Variants in FAT3 observed in about 807,000 individuals in gnomAD.
FAT3 encodes the protein FAT atypical cadherin 3.
A neutral mutation model predicts 310.2 loss-of-function variants in FAT3; 95 were observed. That is an observed-to-expected ratio of 0.31 (90% CI 0.26 to 0.36). The LOEUF (loss-of-function observed/expected upper bound fraction) is 0.36. Ranked by LOEUF, FAT3 falls within the 10% of genes least tolerant of loss-of-function variation. The pLI is 1.00. For synonymous variants in FAT3, 2,314 were observed against 2,192.9 expected, an observed-to-expected ratio of 1.06 and a Z score of -1.54; for missense variants, 5,408 against 5,715.6, an observed-to-expected ratio of 0.95 and a Z score of 1.74.
chr11:92,296,155 C>T (rs935471858), intron 1 of FAT3, among the ~76,000 whole-genome samples: 1 of 152,064 alleles, frequency 6.6e-6, no homozygotes, highest in African/African-American at 2.4e-5. Flanking sequence ...TATGCTTCCC[C>T]CGAGGGTTAA....
chr11:92,798,910 C>G lies in FAT3; in HGVS notation c.5897C>G (p.Ser1966Cys). The G allele has an allele frequency of 6.2e-7, 1 of 1,613,976 alleles. No individual in the cohort carries two copies. The highest frequency in any genetic ancestry group is 8.5e-7 in the Non-Finnish European group (1 of 1,179,868). ...TCTGATGGAAAGTTCTACAGTACCT[C>G]CATGGTCACCATCATGGTTAAAGAA... ...KVSDGKFYSTSMVTIMVKEAM... is the reference protein window; with the variant it reads ...KVSDGKFYSTCMVTIMVKEAM... Residue 1966 changes from serine (S) to cysteine (C), a missense_variant, in exon 10 of 28, where the codon TCC becomes TGC. By Grantham distance (112) the Ser-to-Cys change is moderately radical. Transcript: ENST00000525166.
chr11:92,418,865 C>A (rs1950476587), intron 2 of FAT3, among the ~76,000 whole-genome samples: 1 of 152,146 alleles, frequency 6.6e-6, no homozygotes, highest in Non-Finnish European at 1.5e-5. Context: ...GAGCCCTGTC[C>A]TTACAATGCT....
chr11:92,856,974 A>G (rs899224264), intron 19 of FAT3, among the ~76,000 whole-genome samples: 1 of 152,176 alleles, frequency 6.6e-6, no homozygotes, highest in African/African-American at 2.4e-5. Context: ...TTTGTACCTA[A>G]TCTGCACCAG....
intron 14 of FAT3, among the ~76,000 whole-genome samples, chr11:92,833,107 G>A (rs921003573): frequency 6.6e-5 from 10 of 152,298 alleles, no homozygotes; most frequent in Admixed American, 2.0e-4. Flanking sequence ...AATAAAGGTC[G>A]TAATTCTAGA....
At chr11:92,617,195 T>A (rs1387289492) in intron 3 of FAT3, among the ~76,000 whole-genome samples, 1 of 152,230 alleles carries the variant, frequency 6.6e-6, no homozygotes, top group Non-Finnish European at 1.5e-5. Flanking sequence ...CTTTTTTCTC[T>A]AAACTTCTCT....
intron 3 of FAT3, among the ~76,000 whole-genome samples, chr11:92,667,933 T>G (rs1943008615): frequency 6.6e-6 from 1 of 152,208 alleles, no homozygotes; most frequent in South Asian, 2.1e-4. Context: ...AGCAGCATAA[T>G]GATGTGTGTG....
chr11:92,647,497 T>G (rs1942209245), intron 3 of FAT3, among the ~76,000 whole-genome samples: 1 of 152,166 alleles, frequency 6.6e-6, no homozygotes. Context: ...TATTTTAAAC[T>G]GATACAGCAT....
At chr11:92,818,507 GC>G (rs34959284) in intron 13 of FAT3, among the ~76,000 whole-genome samples, 47,139 of 151,890 alleles carry the variant, frequency 0.31, 7,538 homozygotes, top group Non-Finnish European at 0.33. Context: ...CTTCCTCGCA[GC>G]CTCATCCCTC....
In FAT3 at chr11:92,834,873, G is replaced by T. The variant is rs750201929; in HGVS notation, c.9875G>T (p.Gly3292Val). The T allele has an allele frequency of 1.3e-5, 21 of 1,605,310 alleles. No individual in the cohort carries two copies. The East Asian group carries it at 2.7e-4, about 21-fold the overall frequency. The change falls in exon 15 of 28, where the codon GGT becomes GTT. Residue 3292 changes from glycine (G) to valine (V), a missense_variant. This residue lies in a region of FAT3 where 4,588 missense variants were observed against 4,809.8 expected (regional missense o/e 0.95). Coordinates refer to ENST00000525166, the MANE Select transcript of FAT3 (RefSeq NM_001367949.2). ...GKFKINPKTG[G>V]ISVSEVLDYE... ...AGCTCCCCATTTTTCTTCAAAGGGG[G>T]TATTTCTGTCTCTGAAGTCCTGGAC...
intron 3 of FAT3, among the ~76,000 whole-genome samples, chr11:92,547,696 C>G (rs1954659816): frequency 6.6e-6 from 1 of 152,148 alleles, no homozygotes; most frequent in Non-Finnish European, 1.5e-5. Flanking sequence ...ACACTCTGCT[C>G]TGTCCCTCAT....
intron 2 of FAT3, among the ~76,000 whole-genome samples, chr11:92,444,059 C>T (rs1190823959): frequency 6.6e-6 from 1 of 152,152 alleles, no homozygotes; most frequent in Non-Finnish European, 1.5e-5. Context: ...CAAAGTCTGA[C>T]ATTTTTTTCT....
At chr11:92,457,191 C>A (rs1464954428) in intron 2 of FAT3, among the ~76,000 whole-genome samples, 5 of 152,156 alleles carry the variant, frequency 3.3e-5, no homozygotes, top group Admixed American at 2.0e-4. Context: ...TCTCTTTAAT[C>A]GTGATTCTAT....
chr11:92,874,415 G>T (rs573274741), intron 22 of FAT3, among the ~76,000 whole-genome samples: 11 of 152,222 alleles, frequency 7.2e-5, no homozygotes, highest in Non-Finnish European at 1.5e-4. Flanking sequence ...CTGATGGGAA[G>T]TAACAACAAG....
At chr11:92,539,061 T>C (rs1469981557) in intron 3 of FAT3, among the ~76,000 whole-genome samples, 1 of 152,154 alleles carries the variant, frequency 6.6e-6, no homozygotes, top group Non-Finnish European at 1.5e-5. Flanking sequence ...TTCTCTTCTT[T>C]GTAAAATTTC....
chr11:92,714,243 C>T (rs1944608322), intron 4 of FAT3, among the ~76,000 whole-genome samples: 1 of 152,148 alleles, frequency 6.6e-6, no homozygotes, highest in African/African-American at 2.4e-5. Flanking sequence ...TTGAGTGTCA[C>T]AATGTTCTGC....
chr11:92,676,106 C>T (rs1004390074), intron 3 of FAT3, among the ~76,000 whole-genome samples: 19 of 152,046 alleles, frequency 1.2e-4, no homozygotes, highest in Admixed American at 1.0e-3. Context: ...TTTAAAGCAG[C>T]GAGCAGCAAA....
chr11:92,810,128 G>T, intron 13 of FAT3, 52 bp downstream of exon 13: 1 of 1,516,908 alleles, frequency 6.6e-7, no homozygotes, highest in South Asian at 1.2e-5. Context: ...TTTGTCTTCA[G>T]GTGCTGCCAT....
chr11:92,816,848 C>T (rs1285729357), intron 13 of FAT3, among the ~76,000 whole-genome samples: 7 of 151,826 alleles, frequency 4.6e-5, no homozygotes, highest in East Asian at 3.9e-4. Context: ...TGGTGACGTG[C>T]GCCTGTAATC....
chr11:92,561,250 C>CGT (rs66585879), intron 3 of FAT3, among the ~76,000 whole-genome samples: 12,488 of 148,268 alleles, frequency 0.084, 532 homozygotes, highest in Non-Finnish European at 0.1. Context: ...CCTTCTACTT[C>CGT]GTGTGTGTGT....
Sources: gnomAD v4.1 joint callset for allele counts (sites outside exome capture counted in the v4.1 genomes callset) on GRCh38, gnomAD v4.1.1 for gene constraint, gnomAD v4.1.1 regional missense constraint, MANE v1.5 for transcripts, NCBI Gene and HGNC (gene_info 2026-07-23, HGNC 2026-07-21) for gene names.